MYH15: variants seen among roughly 807,000 people sequenced by gnomAD.
MYH15 encodes the protein myosin-15.
MYH15 carries 227 observed loss-of-function variants against 240.5 expected under a neutral mutation model. The observed-to-expected ratio is 0.94, with a 90% CI of 0.85 to 1.05. The LOEUF (loss-of-function observed/expected upper bound fraction) is 1.05, where lower values mean the gene tolerates loss of function less well. Among genes scored for constraint, MYH15 ranks in the 50% least tolerant of loss-of-function variants. MYH15 has a pLI of 0.00. For synonymous variants in MYH15, 785 were observed against 796.7 expected (o/e 0.99, Z 0.25); for missense variants, 2,217 against 2,247.5 (o/e 0.99, Z 0.27).
intron 5 of MYH15, among the ~76,000 whole-genome samples, chr3:108,498,484 T>A (rs2083411605): frequency 1.3e-5 from 2 of 152,126 alleles, no homozygotes; most frequent in African/African-American, 4.8e-5. Flanking sequence ...TTCAAGAGAT[T>A]TTCATGTATG....
At chr3:108,510,767 C>T (rs555953289), upstream of MYH15, among the ~76,000 whole-genome samples, 19 of 152,218 alleles carry the variant, frequency 1.2e-4, no homozygotes, top group Admixed American at 3.9e-4. Flanking sequence ...GAATATCTGA[C>T]TCTAGCAGGG....
At chr3:108,502,144 G>C (rs967488068) in intron 2 of MYH15, among the ~76,000 whole-genome samples, 5 of 152,070 alleles carry the variant, frequency 3.3e-5, no homozygotes, top group Non-Finnish European at 7.4e-5. Flanking sequence ...TTCCCTCTAA[G>C]AGTACATGGA....
chr3:108,431,248 C>A (rs977166467), intron 25 of MYH15, among the ~76,000 whole-genome samples: 1 of 152,086 alleles, frequency 6.6e-6, no homozygotes, highest in Admixed American at 6.5e-5. Context: ...AATGATTATA[C>A]CTACATCTGA....
At position 108,441,115 on chromosome 3, in the gene MYH15, T is replaced by C; in HGVS notation, c.2801A>G (p.Lys934Arg). 1 of 1,614,184 alleles carries C rather than the reference T, an allele frequency of 6.2e-7. No homozygotes were observed. The highest frequency in any genetic ancestry group is 8.5e-7 in the Non-Finnish European group (1 of 1,180,012). Residue 934 changes from lysine (K) to arginine (R), a missense_variant, in exon 23 of 41, where the codon AAA becomes AGA. By Grantham distance (26) the Lys-to-Arg change is conservative. Coordinates refer to ENST00000693548, the MANE Select transcript of MYH15 (RefSeq NM_014981.3). ...CAACTCAAAACATTCATCTTCGAGTTTCCGCCCCCTGGCAGTCAGCTCAGA... is the reference window on the plus strand; with the variant it reads ...CAACTCAAAACATTCATCTTCGAGTCTCCGCCCCCTGGCAGTCAGCTCAGA... Reference protein sequence around the residue: ...INSELTARGRKLEDECFELKK... With the variant: ...INSELTARGRRLEDECFELKK...
chr3:108,424,059 ATATGCTGTGCTATG>A lies in MYH15; in HGVS notation c.3703-2859_3703-2846del, dbSNP rs536645373. On this transcript the variant is annotated intron_variant, in intron 27 of 40. Transcript: ENST00000693548. Reference sequence around the variant, plus strand: ...AAATGGCATCTGTTTAGGGCCCTGAATATGCTGTGCTATGCACCTGTGTGCTTAGGGTGAAAAAG... The same window carrying A: ...AAATGGCATCTGTTTAGGGCCCTGAACACCTGTGTGCTTAGGGTGAAAAAG... Among the ~76,000 whole-genome samples the A allele has an allele frequency of 3.4e-4, 52 of 152,356 alleles. 1 individual carries two copies. In the East Asian group the frequency reaches 6.7e-3, roughly 20 times the overall value.
chr3:108,506,703 A>G (rs529237117), intron 1 of MYH15, among the ~76,000 whole-genome samples: 21 of 152,240 alleles, frequency 1.4e-4, no homozygotes, highest in African/African-American at 5.1e-4. Context: ...TGGGCAACAT[A>G]GCAAGACCCT....
intron 27 of MYH15, among the ~76,000 whole-genome samples, chr3:108,426,205 G>GA (rs34105033): frequency 0.17 from 21,863 of 130,242 alleles, 1,777 homozygotes; most frequent in South Asian, 0.28. Flanking sequence ...AGTATTTTCA[G>GA]AAAAAAAAAA....
chr3:108,443,611 A>G (rs1463388590), intron 22 of MYH15, among the ~76,000 whole-genome samples: 4 of 152,184 alleles, frequency 2.6e-5, no homozygotes, highest in Non-Finnish European at 5.9e-5. Flanking sequence ...GAGTAACATG[A>G]AAGAGAGTGA....
chr3:108,410,605 C>T lies in MYH15; in HGVS notation c.4473G>A (p.Arg1491=), dbSNP rs1466887730. 1 of 1,598,222 alleles carries T rather than the reference C, an allele frequency of 6.3e-7. No individual in the cohort carries two copies. Among genetic ancestry groups the T allele is most frequent in the Non-Finnish European group, 8.6e-7 (1 of 1,167,302 alleles). ...EESIVGQETL[R]RENKNLQEEI... ...TACCTTGGAGGTTCTTGTTCTCCCT[C>T]CTGAGTGTCTCCTGGCCCACGATGC... The change falls in exon 31 of 41, where the codon AGG becomes AGA. Residue 1491 remains arginine, a synonymous_variant. Transcript: ENST00000693548.
At chr3:108,507,256 T>TGA (rs377142521) in intron 1 of MYH15, among the ~76,000 whole-genome samples, 13,810 of 62,712 alleles carry the variant, frequency 0.22, 1,480 homozygotes, top group Middle Eastern at 0.31. Flanking sequence ...TATATATATA[T>TGA]ATATATATAT....
At chr3:108,520,535 T>C (rs2083610043) in intron 1 of MYH15, among the ~76,000 whole-genome samples, 1 of 152,202 alleles carries the variant, frequency 6.6e-6, no homozygotes, top group African/African-American at 2.4e-5. Flanking sequence ...GTTGAACCCT[T>C]GGATCTGGAT....
At chr3:108,467,046 C>T (rs749308839) in intron 14 of MYH15, among the ~76,000 whole-genome samples, 50 of 151,860 alleles carry the variant, frequency 3.3e-4, no homozygotes, top group Admixed American at 1.2e-3. Context: ...CAGGATGATG[C>T]CTTCTGGGGT....
chr3:108,416,628 T>G lies in MYH15; in HGVS notation c.3948+184A>C, dbSNP rs551561518. Among the ~76,000 whole-genome samples, 3 of 152,288 alleles carry G rather than the reference T, an allele frequency of 2.0e-5. No homozygotes were observed. In the East Asian group the frequency reaches 5.8e-4, roughly 29 times the overall value. The stretch of plus-strand genomic sequence containing the variant: ...TGCTCTAAACCTGCAACGAAGCAAT[T>G]TGAATCACCGAGGAAGATCCTTCAG... On this transcript the variant is annotated intron_variant, in intron 29 of 40. Transcript: ENST00000693548.
chr3:108,500,963 C>T (rs891131346), intron 3 of MYH15, among the ~76,000 whole-genome samples: 1 of 152,140 alleles, frequency 6.6e-6, no homozygotes, highest in Non-Finnish European at 1.5e-5. Context: ...AAGGATTCTC[C>T]CCAAGAGCCT....
At chr3:108,546,656 T>C in the MYH15 span, among the ~76,000 whole-genome samples, 1 of 152,060 alleles carries the variant, frequency 6.6e-6, no homozygotes, top group Non-Finnish European at 1.5e-5. Context: ...ACAACTAAAA[T>C]GTTATATTTA....
At chr3:108,447,445 G>A (rs879935030) in intron 21 of MYH15, among the ~76,000 whole-genome samples, 1 of 151,954 alleles carries the variant, frequency 6.6e-6, no homozygotes, top group Non-Finnish European at 1.5e-5. Context: ...AAAAGTCAAA[G>A]AGAGAATTTT....
rs369737961 is a variant in MYH15, at chr3:108,421,172, G to C, written c.3745C>G (p.His1249Asp). Residue 1249 changes from histidine to aspartate, a missense_variant, in exon 28 of 41, where the codon CAT (histidine) becomes GAT (aspartate). His to Asp is a moderately conservative substitution (Grantham distance 81, BLOSUM62 -1). Coordinates refer to ENST00000693548, the MANE Select transcript of MYH15 (RefSeq NM_014981.3). ...KLCTLYEERL[H>D]EATAKLDKVT... The stretch of plus-strand genomic sequence containing the variant: ...TTATCTAGCTTTGCAGTTGCTTCAT[G>C]CAAGCGCTCTTCATATAGAGTACAG... 1.3e-4 allele frequency: 214 copies of C among 1,613,786 alleles called. No homozygotes were observed. The highest frequency in any genetic ancestry group is 1.7e-4 in the Non-Finnish European group (204 of 1,179,968).
intron 25 of MYH15, among the ~76,000 whole-genome samples, 193 bp downstream of exon 25, chr3:108,437,361 T>A (rs2107566086): frequency 6.6e-6 from 1 of 152,156 alleles, no homozygotes; most frequent in Admixed American, 6.5e-5. Flanking sequence ...CCTTCTAGAT[T>A]ATGCATCTGG....
chr3:108,391,135 C>G (rs2082420247), intron 37 of MYH15, among the ~76,000 whole-genome samples: 1 of 152,084 alleles, frequency 6.6e-6, no homozygotes, highest in African/African-American at 2.4e-5. Flanking sequence ...TTTTTAGAGG[C>G]CCTTTTGAAC....
Sources: gnomAD v4.1 joint callset for allele counts (sites outside exome capture counted in the v4.1 genomes callset) on GRCh38, gnomAD v4.1.1 for gene constraint, MANE v1.5 for transcripts, NCBI Gene and HGNC (gene_info 2026-07-23, HGNC 2026-07-21) for gene names.